The following CPQ variants were observed in gnomAD, a reference collection of about 807,000 sequenced individuals.
CPQ encodes carboxypeptidase Q, also known as Ser-Met dipeptidase.
CPQ carries 37 observed loss-of-function variants against 45.7 expected under a neutral mutation model. That is an observed-to-expected ratio of 0.81 (90% CI 0.62 to 1.07). The LOEUF (loss-of-function observed/expected upper bound fraction) is 1.07, where lower values mean the gene tolerates loss of function less well. Ranked by LOEUF, CPQ falls within the 50% of genes least tolerant of loss-of-function variation. CPQ has a pLI of 0.00. For missense variants in CPQ, 537 were observed against 572.9 expected (o/e 0.94, Z 0.64); for synonymous variants, 186 against 205.8 (o/e 0.90, Z 0.82).
intron 5 of CPQ, among the ~76,000 whole-genome samples, chr8:96,986,828 T>A (rs1808991515): frequency 6.6e-6 from 1 of 152,230 alleles, no homozygotes; most frequent in African/African-American, 2.4e-5. Context: ...TCATCTGATA[T>A]ACCCCTATGT....
At chr8:96,799,844 T>TA (rs1360062302) in intron 2 of CPQ, among the ~76,000 whole-genome samples, 1 of 152,174 alleles carries the variant, frequency 6.6e-6, no homozygotes, top group East Asian at 1.9e-4. Flanking sequence ...CATCATGCCT[T>TA]CCCAGTAGCC....
chr8:96,997,290 C>T (rs981234780), intron 5 of CPQ, among the ~76,000 whole-genome samples: 1 of 151,858 alleles, frequency 6.6e-6, no homozygotes, highest in Non-Finnish European at 1.5e-5. Flanking sequence ...TATACACAGA[C>T]CCTAGAGAGC....
intron 1 of CPQ, among the ~76,000 whole-genome samples, chr8:96,717,814 A>G (rs1483217124): frequency 2.0e-5 from 3 of 152,148 alleles, no homozygotes; most frequent in African/African-American, 7.2e-5. Flanking sequence ...AGGGGATTGT[A>G]GGGCAGTTCT....
intron 1 of CPQ, among the ~76,000 whole-genome samples, chr8:96,782,861 G>C (rs1217759275): frequency 6.6e-6 from 1 of 152,082 alleles, no homozygotes; most frequent in Non-Finnish European, 1.5e-5. Flanking sequence ...AAGCCCTCAG[G>C]CATGGACACA....
intron 2 of CPQ, among the ~76,000 whole-genome samples, chr8:96,820,014 C>A (rs1438571665): frequency 6.6e-6 from 1 of 152,078 alleles, no homozygotes; most frequent in Admixed American, 6.6e-5. Flanking sequence ...ATTGCATAAG[C>A]TGACAAATCA....
Position 96,854,928 on chromosome 8 carries a change from C to T in CPQ, c.641+19748C>T, listed in dbSNP as rs544186182. On this transcript the variant is annotated intron_variant, in intron 3 of 7. Coordinates refer to ENST00000220763, the MANE Select transcript of CPQ (RefSeq NM_016134.4). Reference sequence around the variant, plus strand: ...CAGTCTGACTGATTTTGCTGGCTCTCACTTTCCAGAAAGGGAACCATGGCC... The same window carrying T: ...CAGTCTGACTGATTTTGCTGGCTCTTACTTTCCAGAAAGGGAACCATGGCC... 2.6e-5 allele frequency among the ~76,000 whole-genome samples: 4 copies of T among 152,272 alleles called. No individual in the cohort carries two copies. In the East Asian group the frequency reaches 7.7e-4, roughly 29 times the overall value.
chr8:97,011,946 C>G (rs1809492798), intron 5 of CPQ, among the ~76,000 whole-genome samples: 1 of 152,084 alleles, frequency 6.6e-6, no homozygotes, highest in African/African-American at 2.4e-5. Flanking sequence ...AGTGTGCGCG[C>G]TCTCTCTCTC....
chr8:96,840,481 T>G (rs1019850347), intron 3 of CPQ, among the ~76,000 whole-genome samples: 1 of 152,150 alleles, frequency 6.6e-6, no homozygotes, highest in Non-Finnish European at 1.5e-5. Context: ...ATGTGCAAAT[T>G]ATTAGGCCCC....
At chr8:96,653,422 T>C (rs1032491010) in intron 1 of CPQ, among the ~76,000 whole-genome samples, 3 of 152,264 alleles carry the variant, frequency 2.0e-5, no homozygotes, top group South Asian at 2.1e-4. Flanking sequence ...TTGCTTGTTT[T>C]CTTGCTATTG....
At chr8:96,950,653 C>A (rs1813249725) in intron 4 of CPQ, among the ~76,000 whole-genome samples, 1 of 152,068 alleles carries the variant, frequency 6.6e-6, no homozygotes, top group Non-Finnish European at 1.5e-5. Context: ...CTATCAGAGC[C>A]ACTTTTACCA....
At chr8:97,018,619 T>C (rs1421229953) in intron 5 of CPQ, among the ~76,000 whole-genome samples, 3 of 152,090 alleles carry the variant, frequency 2.0e-5, no homozygotes, top group South Asian at 2.1e-4. Context: ...AGCAATAGAA[T>C]TGAACAAGCA....
At chr8:96,683,718 A>G (rs1216887837) in intron 1 of CPQ, among the ~76,000 whole-genome samples, 1 of 150,026 alleles carries the variant, frequency 6.7e-6, no homozygotes, top group South Asian at 2.1e-4. Flanking sequence ...ATTCTTTTAA[A>G]TCCATTTTTT....
chr8:96,720,344 G>A (rs1274730269), intron 1 of CPQ, among the ~76,000 whole-genome samples: 1 of 151,948 alleles, frequency 6.6e-6, no homozygotes, highest in Non-Finnish European at 1.5e-5. Flanking sequence ...TTGTATGAGG[G>A]ACATTGTAGA....
intron 3 of CPQ, among the ~76,000 whole-genome samples, chr8:96,869,438 G>T (rs971548514): frequency 1.1e-4 from 16 of 152,168 alleles, no homozygotes; most frequent in African/African-American, 3.9e-4. Flanking sequence ...CAACTCTATA[G>T]TCACACTGGG....
intron 7 of CPQ, among the ~76,000 whole-genome samples, chr8:97,086,082 T>G (rs1811036389): frequency 6.6e-6 from 1 of 152,166 alleles, no homozygotes; most frequent in Admixed American, 6.6e-5. Context: ...TTTCATCAGT[T>G]TCCTATTAAA....
intron 1 of CPQ, among the ~76,000 whole-genome samples, chr8:96,687,357 C>A (rs190804717): frequency 6.6e-6 from 1 of 151,818 alleles, no homozygotes; most frequent in Non-Finnish European, 1.5e-5. Flanking sequence ...GGATTACAGA[C>A]GCACACCACC....
chr8:96,963,318 C>A (rs1586469466), intron 4 of CPQ, among the ~76,000 whole-genome samples: 1 of 152,194 alleles, frequency 6.6e-6, no homozygotes, highest in Non-Finnish European at 1.5e-5. Context: ...TACACCACTA[C>A]TTTCTGAATC....
At chr8:97,027,667 A>T (rs895462518) in intron 5 of CPQ, among the ~76,000 whole-genome samples, 1 of 152,184 alleles carries the variant, frequency 6.6e-6, no homozygotes, top group Non-Finnish European at 1.5e-5. Context: ...AGACTTTTAG[A>T]AGATGAGACT....
At chr8:96,909,382 C>G (rs1812625287) in intron 4 of CPQ, among the ~76,000 whole-genome samples, 1 of 152,108 alleles carries the variant, frequency 6.6e-6, no homozygotes, top group Non-Finnish European at 1.5e-5. Flanking sequence ...GAGTTAGAGG[C>G]TTTCTACTTA....
Sources: gnomAD v4.1 joint callset for allele counts (sites outside exome capture counted in the v4.1 genomes callset) on GRCh38, gnomAD v4.1.1 for gene constraint, MANE v1.5 for transcripts, NCBI Gene and HGNC (gene_info 2026-07-23, HGNC 2026-07-21) for gene names.